The following SLC28A3 variants were observed in gnomAD, a reference collection of about 807,000 sequenced individuals.
The protein encoded by SLC28A3 is solute carrier family 28 member 3.
In SLC28A3, 68 loss-of-function variants were observed where a neutral mutation model predicts 84.2. The ratio of observed to expected loss-of-function variants is 0.81; its 90% confidence interval spans 0.66 to 0.99. The LOEUF is 0.99. Among genes scored for constraint, SLC28A3 ranks in the 50% least tolerant of loss-of-function variants. The pLI is 0.00. For missense variants in SLC28A3, 712 were observed against 841.5 expected, an observed-to-expected ratio of 0.85 and a Z score of 1.90; for synonymous variants, 267 against 303.6, an observed-to-expected ratio of 0.88 and a Z score of 1.25.
the SLC28A3 span, among the ~76,000 whole-genome samples, chr9:84,366,845 G>A: frequency 6.6e-6 from 1 of 152,202 alleles, no homozygotes; most frequent in Admixed American, 6.5e-5. Flanking sequence ...CCTGAAGCCA[G>A]CACAGCCCTG....
intron 12 of SLC28A3, 80 bp from the exon 13 acceptor site, chr9:84,286,191 C>G (rs1824979951): frequency 3.6e-6 from 5 of 1,397,516 alleles, no homozygotes; most frequent in Admixed American, 2.0e-5. Context: ...GTAGCATAAT[C>G]AGAGCTTAGA....
At chr9:84,306,755 T>G (rs1190201666) in intron 3 of SLC28A3, among the ~76,000 whole-genome samples, 1 of 152,046 alleles carries the variant, frequency 6.6e-6, no homozygotes, top group African/African-American at 2.4e-5. Flanking sequence ...ATGTATTGAT[T>G]GATAGATGAA....
At chr9:84,288,328 C>T (rs764611078) in intron 11 of SLC28A3, 150 bp from the exon 12 acceptor site, 11 of 1,172,744 alleles carry the variant, frequency 9.4e-6, no homozygotes, top group Non-Finnish European at 1.3e-5. Context: ...GGAAGAGCCA[C>T]TCTAGCTCAT....
Position 84,280,089 on chromosome 9 carries a change from G to A in SLC28A3, c.1730-16C>T. Reference sequence around the variant, plus strand: ...GCCATGGATGCTGGGAAACATGGAAGGAGGGATGTGAGATCAATGTTGAAG... The same window carrying A: ...GCCATGGATGCTGGGAAACATGGAAAGAGGGATGTGAGATCAATGTTGAAG... On this transcript the variant is annotated splice_polypyrimidine_tract_variant and intron_variant, in intron 15 of 17. Transcript: ENST00000376238. 1 of 1,610,930 alleles carries A rather than the reference G, an allele frequency of 6.2e-7. No individual in the cohort carries two copies. Among genetic ancestry groups the A allele is most frequent in the Non-Finnish European group, 8.5e-7 (1 of 1,178,090 alleles).
At chr9:84,312,397 C>CT (rs1167857364) in intron 2 of SLC28A3, among the ~76,000 whole-genome samples, 1 of 152,100 alleles carries the variant, frequency 6.6e-6, no homozygotes, top group Non-Finnish European at 1.5e-5. Flanking sequence ...TAGGCACTGA[C>CT]TTTTTTTCTT....
chr9:84,278,521 G>T, intron 17 of SLC28A3, 177 bp from the exon 18 acceptor site: 1 of 714,618 alleles, frequency 1.4e-6, no homozygotes, highest in Non-Finnish European at 2.2e-6. Flanking sequence ...CCTAAATTCT[G>T]GGTGTCCTCA....
intron 1 of SLC28A3, among the ~76,000 whole-genome samples, chr9:84,318,833 C>A (rs1217463831): frequency 6.6e-6 from 1 of 151,278 alleles, no homozygotes; most frequent in Non-Finnish European, 1.5e-5. Context: ...TGTGCCATTG[C>A]ACTCCAGCCT....
chr9:84,323,426 AT>A lies in SLC28A3; in HGVS notation c.61-9973del, dbSNP rs398011264. 1.4e-3 allele frequency among the ~76,000 whole-genome samples: 200 copies of A among 141,114 alleles called. 1 individual carries two copies. The highest frequency in any genetic ancestry group is 7.3e-3 in the Middle Eastern group (2 of 274). The allele number at this position is 141,114 out of a possible 152,430, so 92.6% of individuals were successfully genotyped here. A position where few individuals can be genotyped will look rare whatever the true frequency, so the allele number is the denominator to read the frequency against. ...TGTCATTTTTATGATTCAGTACATGATTTTTTTTTTTTTTTTGAGACGGAGT... is the reference window on the plus strand; with the variant it reads ...TGTCATTTTTATGATTCAGTACATGATTTTTTTTTTTTTTTGAGACGGAGT... On this transcript the variant is annotated intron_variant, in intron 1 of 17. Transcript: ENST00000376238.
At chr9:84,340,286 G>C (rs987978018) in intron 1 of SLC28A3, among the ~76,000 whole-genome samples, 1 of 152,114 alleles carries the variant, frequency 6.6e-6, no homozygotes, top group African/African-American at 2.4e-5. Flanking sequence ...AGTGCCTGAA[G>C]ATAAATAATG....
intron 4 of SLC28A3, 100 bp downstream of exon 4, chr9:84,305,154 A>G: frequency 2.0e-6 from 2 of 1,022,064 alleles, no homozygotes; most frequent in South Asian, 2.9e-5. Context: ...CAGAGAAAAT[A>G]AAGGTTTAAT....
chr9:84,302,367 C>T lies in SLC28A3; in HGVS notation c.357G>A (p.Ser119=), dbSNP rs187650494. 32 of 1,613,782 alleles carry T rather than the reference C, an allele frequency of 2.0e-5. No individual in the cohort carries two copies. In the Admixed American group the frequency reaches 4.0e-4, roughly 20 times the overall value. Residue 119 remains serine (S), a synonymous_variant, in exon 5 of 18, where the codon TCG becomes TCA. Coordinates refer to ENST00000376238, the MANE Select transcript of SLC28A3 (RefSeq NM_001199633.2). ...LLAGYLVMVI[S]ACVLNFHRAL... ...CTCTGTGAAAGTTCAGCACACAGGCCGAAATCACCATAACCAGATAACCTG... is the reference window on the plus strand; with the variant it reads ...CTCTGTGAAAGTTCAGCACACAGGCTGAAATCACCATAACCAGATAACCTG...
At chr9:84,364,250 G>T in the SLC28A3 span, among the ~76,000 whole-genome samples, 1 of 150,358 alleles carries the variant, frequency 6.7e-6, no homozygotes. Context: ...TCAGCCTCCC[G>T]AGTGGCTTAT....
chr9:84,286,186 A>G, intron 12 of SLC28A3, 75 bp from the exon 13 acceptor site: 3 of 1,434,164 alleles, frequency 2.1e-6, no homozygotes, highest in East Asian at 2.3e-5. Context: ...CAGAAGTAGC[A>G]TAATCAGAGC....
At chr9:84,302,084 G>A in intron 5 of SLC28A3, 116 bp downstream of exon 5, 1 of 928,260 alleles carries the variant, frequency 1.1e-6, no homozygotes, top group Non-Finnish European at 1.6e-6. Flanking sequence ...TTCCTAGGGT[G>A]TTTCTAGCTT....
chr9:84,295,619 C>T (rs998104702), intron 8 of SLC28A3, among the ~76,000 whole-genome samples: 1 of 151,430 alleles, frequency 6.6e-6, no homozygotes, highest in South Asian at 2.1e-4. Flanking sequence ...AACAAACAAA[C>T]AAAAAACCAT....
At chr9:84,323,459 C>G (rs1452674283) in intron 1 of SLC28A3, among the ~76,000 whole-genome samples, 3 of 146,090 alleles carry the variant, frequency 2.1e-5, no homozygotes, top group Non-Finnish European at 4.5e-5. Context: ...GAGTCTTGCT[C>G]TGTCATCCAG....
In SLC28A3 at chr9:84,285,361, A is replaced by G; in HGVS notation, c.1631T>C (p.Val544Ala). The G allele has an allele frequency of 2.5e-6, 4 of 1,614,102 alleles. No individual in the cohort carries two copies. The highest frequency in any genetic ancestry group is 3.4e-6 in the Non-Finnish European group (4 of 1,179,968). Residue 544 changes from valine to alanine, a missense_variant, in exon 14 of 18, where the codon GTG becomes GCG. Coordinates refer to ENST00000376238, the MANE Select transcript of SLC28A3 (RefSeq NM_001199633.2). ...KEGGPKFVNG[V>A]QQYISIRSEI... ...TTTACTCACTGATATATATTGCTGC[A>G]CACCGTTTACAAATTTGGGTCCACC...
chr9:84,295,184 C>T (rs1048256526), intron 8 of SLC28A3, among the ~76,000 whole-genome samples: 1 of 152,278 alleles, frequency 6.6e-6, no homozygotes, highest in African/African-American at 2.4e-5. Flanking sequence ...ATGCAGTAAA[C>T]ATTCATTCTT....
chr9:84,287,310 A>G (rs904125357), intron 12 of SLC28A3, among the ~76,000 whole-genome samples: 1 of 152,158 alleles, frequency 6.6e-6, no homozygotes, highest in Admixed American at 6.5e-5. Flanking sequence ...TTTCAGACAC[A>G]TGTTGGTTGC....
Sources: gnomAD v4.1 joint callset for allele counts (sites outside exome capture counted in the v4.1 genomes callset) on GRCh38, gnomAD v4.1.1 for gene constraint, MANE v1.5 for transcripts, NCBI Gene and HGNC (gene_info 2026-07-23, HGNC 2026-07-21) for gene names.